Variants in CYRIB observed in about 807,000 individuals in gnomAD.
The protein encoded by CYRIB is CYFIP-related Rac1 interactor B.
A neutral mutation model predicts 44.2 loss-of-function variants in CYRIB; 8 were observed. That is an observed-to-expected ratio of 0.18 (90% CI 0.11 to 0.33). The LOEUF (loss-of-function observed/expected upper bound fraction) is 0.33, where lower values mean the gene tolerates loss of function less well. Among genes scored for constraint, CYRIB ranks in the 10% least tolerant of loss-of-function variants. The pLI is 1.00. For missense variants in CYRIB, 185 were observed against 382.8 expected (o/e 0.48, Z 4.31); for synonymous variants, 131 against 127.2 (o/e 1.03, Z -0.20).
At chr8:129,884,250 T>G (rs1304605204) in intron 2 of CYRIB, among the ~76,000 whole-genome samples, 24 of 152,148 alleles carry the variant, frequency 1.6e-4, no homozygotes, top group Non-Finnish European at 1.5e-5. Context: ...TTTCTAAGTT[T>G]CGGATGAATA....
At position 129,873,312 on chromosome 8, in the gene CYRIB, T is replaced by C. The variant is rs79399014; in HGVS notation, c.74-1816A>G. 3.1e-3 allele frequency among the ~76,000 whole-genome samples: 474 copies of C among 152,098 alleles called. 5 individuals carry two copies. Among genetic ancestry groups the C allele is most frequent in the African/African-American group, 0.011 (463 of 41,558 alleles). ...TTATCACTAGGAACAAATACTGATA[T>C]TGCAACTAAATGGTTAGCTTTCTTA... On this transcript the variant is annotated intron_variant, in intron 3 of 11. Coordinates refer to ENST00000519824, the Ensembl canonical transcript of CYRIB.
chr8:129,963,881 C>T lies in CYRIB; in HGVS notation c.-243+7062G>A, dbSNP rs1389746213. Among the ~76,000 whole-genome samples the T allele has an allele frequency of 2.0e-5, 3 of 152,224 alleles. No individual in the cohort carries two copies. In the East Asian group the frequency reaches 5.8e-4, roughly 29 times the overall value. On this transcript the variant is annotated intron_variant, in intron 2 of 14. Coordinates refer to the CYRIB transcript ENST00000401979. ...GTTTTTGTGATTTTGATTCCATACG[C>T]TTAAATTTTCATTCCATCCTTCTTG...
chr8:129,986,520 T>G (rs937260212), intron 1 of CYRIB, among the ~76,000 whole-genome samples: 2 of 152,220 alleles, frequency 1.3e-5, no homozygotes, highest in South Asian at 4.1e-4. Flanking sequence ...AATGGATTCA[T>G]CCATTCATGG....
At chr8:129,905,000 A>G (rs557654039) in intron 1 of CYRIB, among the ~76,000 whole-genome samples, 6 of 152,206 alleles carry the variant, frequency 3.9e-5, no homozygotes, top group Non-Finnish European at 5.9e-5. Flanking sequence ...ACAGAGCTCA[A>G]TATCCATGTA....
chr8:129,917,761 A>G (rs1195705100), intron 1 of CYRIB, among the ~76,000 whole-genome samples: 1 of 152,050 alleles, frequency 6.6e-6, no homozygotes, highest in Non-Finnish European at 1.5e-5. Context: ...GGAGGCTGAG[A>G]CAGGAGAATT....
intron 9 of CYRIB, chr8:129,850,277 G>A (rs1228853755): frequency 6.5e-6 from 1 of 153,272 alleles, no homozygotes; most frequent in Non-Finnish European, 1.4e-5. Flanking sequence ...GATTCTTTCT[G>A]CCTGCTAACA....
chr8:129,925,207 G>A (rs1437116907), intron 1 of CYRIB, among the ~76,000 whole-genome samples: 2 of 152,052 alleles, frequency 1.3e-5, no homozygotes, highest in African/African-American at 2.4e-5. Context: ...AGACCAGCCT[G>A]GCCAACATGG....
chr8:129,955,535 G>A (rs1591078732), intron 2 of CYRIB, among the ~76,000 whole-genome samples: 1 of 152,116 alleles, frequency 6.6e-6, no homozygotes. Flanking sequence ...AGAGATATTA[G>A]ATAAGCATTT....
intron 2 of CYRIB, among the ~76,000 whole-genome samples, chr8:129,952,945 T>G (rs185844744): frequency 1.1e-3 from 175 of 152,336 alleles, no homozygotes; most frequent in African/African-American, 4.0e-3. Flanking sequence ...CACTTGGAAC[T>G]GTTACGTGTT....
intron 1 of CYRIB, among the ~76,000 whole-genome samples, chr8:129,977,026 G>C (rs571952662): frequency 1.8e-4 from 28 of 152,182 alleles, no homozygotes; most frequent in African/African-American, 6.7e-4. Context: ...ATTTTTAGTG[G>C]AGACGGGGTT....
intron 2 of CYRIB, chr8:129,896,960 C>G (rs2068394396): frequency 6.6e-6 from 1 of 152,186 alleles, no homozygotes; most frequent in Non-Finnish European, 1.5e-5. Context: ...AAAAATTGTT[C>G]TGCTTTCTCT....
intron 1 of CYRIB, among the ~76,000 whole-genome samples, chr8:129,910,761 A>T (rs997386545): frequency 5.3e-5 from 8 of 152,104 alleles, no homozygotes; most frequent in Admixed American, 2.6e-4. Flanking sequence ...GTGCCACTGC[A>T]CTCCAACATG....
At chr8:130,008,117 G>A (rs1268569506) in intron 1 of CYRIB, among the ~76,000 whole-genome samples, 1 of 152,094 alleles carries the variant, frequency 6.6e-6, no homozygotes, top group African/African-American at 2.4e-5. Flanking sequence ...GCTGAGGCAG[G>A]AGAATTGCTT....
intron 3 of CYRIB, 29 bp from the exon 6 acceptor site, chr8:129,871,525 TA>T: frequency 3.1e-6 from 5 of 1,599,472 alleles, no homozygotes; most frequent in Non-Finnish European, 4.3e-6. Context: ...CAAGAAAATT[TA>T]CAGTGACATG....
intron 2 of CYRIB, among the ~76,000 whole-genome samples, chr8:129,953,560 G>T (rs1421284768): frequency 6.6e-6 from 1 of 152,128 alleles, no homozygotes; most frequent in Non-Finnish European, 1.5e-5. Flanking sequence ...TTATTGTGTG[G>T]TTCCTTAAAC....
At chr8:129,926,391 G>GA (rs2087736036) in intron 1 of CYRIB, among the ~76,000 whole-genome samples, 1 of 152,136 alleles carries the variant, frequency 6.6e-6, no homozygotes, top group African/African-American at 2.4e-5. Context: ...CTAGTGTGCT[G>GA]CTCTTTCTAA....
intron 1 of CYRIB, among the ~76,000 whole-genome samples, chr8:129,920,115 A>G (rs994479323): frequency 1.3e-5 from 2 of 151,894 alleles, no homozygotes; most frequent in Middle Eastern, 3.4e-3. Context: ...AAAAAGTACT[A>G]TTCTAAAAAT....
intron 2 of CYRIB, among the ~76,000 whole-genome samples, chr8:129,957,559 G>A (rs758189301): frequency 2.6e-5 from 4 of 152,130 alleles, no homozygotes; most frequent in South Asian, 2.1e-4. Flanking sequence ...TTGCCGGCAC[G>A]ATGGCTCACA....
intron 4 of CYRIB, among the ~76,000 whole-genome samples, chr8:129,869,381 CAAAAAAAA>C (rs572134261): frequency 8.1e-5 from 6 of 74,088 alleles, no homozygotes; most frequent in African/African-American, 1.5e-4. Flanking sequence ...AACTCTGCCT[CAAAAAAAA>C]AAAAAAAAAA....
Sources: allele counts gnomAD v4.1 joint callset (sites outside exome capture counted in the v4.1 genomes callset), GRCh38; gene constraint gnomAD v4.1.1; transcripts MANE v1.5; gene names NCBI Gene and HGNC (gene_info 2026-07-23, HGNC 2026-07-21).